ARSB: variants seen among roughly 807,000 people sequenced by gnomAD.
The protein encoded by ARSB is arylsulfatase B.
Under a neutral mutation model 50.9 loss-of-function variants are expected in ARSB, and 41 were observed. That is an observed-to-expected ratio of 0.81 (90% CI 0.63 to 1.04). The LOEUF is 1.04. ARSB is among the 50% of genes least tolerant of loss of function. The pLI, the probability that ARSB is intolerant of heterozygous loss-of-function variation, is 0.00. For missense variants in ARSB, 672 were observed against 693.3 expected (o/e 0.97, Z 0.35); for synonymous variants, 269 against 284.8 (o/e 0.94, Z 0.56).
At chr5:78,928,305 CTTTTTTTTTTT>C (rs34737292) in intron 4 of ARSB, among the ~76,000 whole-genome samples, 37 of 72,574 alleles carry the variant, frequency 5.1e-4, no homozygotes, top group Admixed American at 3.2e-3. Flanking sequence ...TTTGCTTTTG[CTTTTTTTTTTT>C]TTTTTTTTTT....
At chr5:78,938,548 T>C (rs1750740959) in intron 4 of ARSB, among the ~76,000 whole-genome samples, 1 of 152,244 alleles carries the variant, frequency 6.6e-6, no homozygotes, top group Admixed American at 6.5e-5. Flanking sequence ...TTGTCAGAAA[T>C]TCATTTAAGT....
At chr5:78,830,363 G>A (rs1443530861) in intron 6 of ARSB, among the ~76,000 whole-genome samples, 2 of 152,198 alleles carry the variant, frequency 1.3e-5, no homozygotes, top group African/African-American at 4.8e-5. Flanking sequence ...TGCAGGGCCA[G>A]GCCAAGTCCT....
At chr5:78,981,855 G>A (rs1752916761) in intron 1 of ARSB, among the ~76,000 whole-genome samples, 1 of 152,082 alleles carries the variant, frequency 6.6e-6, no homozygotes, top group South Asian at 2.1e-4. Context: ...AAATAATTAT[G>A]GGAAAGGGGT....
intron 6 of ARSB, among the ~76,000 whole-genome samples, chr5:78,802,699 C>G (rs1743436221): frequency 6.6e-6 from 1 of 152,202 alleles, no homozygotes; most frequent in African/African-American, 2.4e-5. Context: ...GAAGAGCACT[C>G]AAGTTCTTGA....
At chr5:78,964,856 G>A (rs1185338418) in intron 2 of ARSB, among the ~76,000 whole-genome samples, 3 of 149,872 alleles carry the variant, frequency 2.0e-5, no homozygotes, top group Non-Finnish European at 4.5e-5. Flanking sequence ...AACACTAACA[G>A]TTTTTTTTTT....
At chr5:78,957,548 A>AT (rs1751784572) in intron 3 of ARSB, among the ~76,000 whole-genome samples, 1 of 152,212 alleles carries the variant, frequency 6.6e-6, no homozygotes, top group South Asian at 2.1e-4. Flanking sequence ...AATGATGATA[A>AT]TGTAGAACCC....
At chr5:78,888,973 ATAGCGCC>A (rs1748160683) in intron 4 of ARSB, among the ~76,000 whole-genome samples, 1 of 152,266 alleles carries the variant, frequency 6.6e-6, no homozygotes, top group Non-Finnish European at 1.5e-5. Context: ...CTCTCCTGGC[ATAGCGCC>A]AACTGCAGAT....
chr5:78,866,032 C>A (rs934522985), intron 5 of ARSB, among the ~76,000 whole-genome samples: 1 of 152,202 alleles, frequency 6.6e-6, no homozygotes, highest in Non-Finnish European at 1.5e-5. Context: ...CTGTTCCAAC[C>A]TCTGCCTATT....
intron 5 of ARSB, among the ~76,000 whole-genome samples, chr5:78,874,107 C>A (rs1747373529): frequency 1.3e-5 from 2 of 152,134 alleles, no homozygotes; most frequent in Admixed American, 1.3e-4. Context: ...AAGTGTGGGA[C>A]AAGGGTTTTA....
At chr5:78,879,105 C>T (rs554738442) in intron 5 of ARSB, among the ~76,000 whole-genome samples, 12 of 152,312 alleles carry the variant, frequency 7.9e-5, no homozygotes, top group Middle Eastern at 3.4e-3. Context: ...CCTCCCTCCT[C>T]GGCCTCCCAT....
At position 78,803,848 on chromosome 5, in the gene ARSB, TC is replaced by T. The variant is rs549165838; in HGVS notation, c.1214-21875del. On this transcript the variant is annotated intron_variant, in intron 6 of 7. Coordinates refer to ENST00000264914, the MANE Select transcript of ARSB (RefSeq NM_000046.5). ...TGTGCTGGGCTAGGAACTGGTTTTA[TC>T]CCATTTGATGGTTATTTATTGAACA... Among the ~76,000 whole-genome samples the T allele has an allele frequency of 2.2e-4, 34 of 152,376 alleles. No individual in the cohort carries two copies. The South Asian group carries it at 6.6e-3, about 30-fold the overall frequency.
intron 1 of ARSB, 113 bp from the exon 2 acceptor site, chr5:78,969,305 C>G: frequency 8.7e-7 from 1 of 1,151,700 alleles, no homozygotes; most frequent in Non-Finnish European, 1.3e-6. Flanking sequence ...ATGTTTAACT[C>G]TATTCCTGTA....
chr5:78,837,638 A>G (rs945860435), intron 6 of ARSB, among the ~76,000 whole-genome samples: 1 of 152,254 alleles, frequency 6.6e-6, no homozygotes, highest in Non-Finnish European at 1.5e-5. Flanking sequence ...AATATATTTA[A>G]TTCAATATAT....
At chr5:78,849,279 C>A (rs918978162) in intron 5 of ARSB, among the ~76,000 whole-genome samples, 1 of 152,146 alleles carries the variant, frequency 6.6e-6, no homozygotes, top group Non-Finnish European at 1.5e-5. Flanking sequence ...CAGCTTTCTA[C>A]ATATGGCTAG....
chr5:78,860,260 G>C (rs1016615227), intron 5 of ARSB, among the ~76,000 whole-genome samples: 4 of 152,158 alleles, frequency 2.6e-5, no homozygotes, highest in African/African-American at 9.7e-5. Context: ...GGGAGTCTAA[G>C]TCTCTTTGTA....
Position 78,905,494 on chromosome 5 carries a change from C to T in ARSB, c.899-19667G>A, listed in dbSNP as rs534536232. Reference sequence around the variant, plus strand: ...AGAATCAACCTAGTGAGACTCAGACCACAAGTTTTGTCTCACCTTCTGTGG... The same window carrying T: ...AGAATCAACCTAGTGAGACTCAGACTACAAGTTTTGTCTCACCTTCTGTGG... On this transcript the variant is annotated intron_variant, in intron 4 of 7. Transcript: ENST00000264914. 2.0e-5 allele frequency among the ~76,000 whole-genome samples: 3 copies of T among 152,164 alleles called. No homozygotes were observed. In the East Asian group the frequency reaches 5.8e-4, roughly 29 times the overall value.
chr5:78,941,471 A>G (rs1354896425), intron 4 of ARSB, among the ~76,000 whole-genome samples: 3 of 152,210 alleles, frequency 2.0e-5, no homozygotes, highest in African/African-American at 7.2e-5. Flanking sequence ...TATCTAATTT[A>G]TTGAGAGTTT....
chr5:78,939,145 T>C (rs1750774104), intron 4 of ARSB, among the ~76,000 whole-genome samples: 1 of 152,238 alleles, frequency 6.6e-6, no homozygotes, highest in African/African-American at 2.4e-5. Context: ...TGCAGATGTA[T>C]CCATGCCATG....
At chr5:78,924,936 C>T (rs1160398266) in intron 4 of ARSB, among the ~76,000 whole-genome samples, 2 of 152,150 alleles carry the variant, frequency 1.3e-5, no homozygotes, top group Non-Finnish European at 2.9e-5. Flanking sequence ...GGAGAAAGAT[C>T]CACCGACCAT....
Sources: allele counts gnomAD v4.1 joint callset (sites outside exome capture counted in the v4.1 genomes callset), GRCh38; gene constraint gnomAD v4.1.1; transcripts MANE v1.5; gene names NCBI Gene and HGNC (gene_info 2026-07-23, HGNC 2026-07-21).